Variants in DOCK3 observed in about 807,000 individuals in gnomAD.
DOCK3 encodes the protein dedicator of cytokinesis 3.
A neutral mutation model predicts 265.6 loss-of-function variants in DOCK3; 60 were observed. The observed-to-expected ratio is 0.23, with a 90% confidence interval of 0.18 to 0.28. The LOEUF is 0.28. Among genes scored for constraint, DOCK3 ranks in the 10% least tolerant of loss-of-function variants. DOCK3 has a pLI of 1.00. For missense variants in DOCK3, 1,981 were observed against 2,594.3 expected (o/e 0.76, Z 5.14); for synonymous variants, 881 against 938.0 (o/e 0.94, Z 1.11).
At chr3:51,087,018 G>A (rs1316696978) in intron 7 of DOCK3, among the ~76,000 whole-genome samples, 1 of 152,154 alleles carries the variant, frequency 6.6e-6, no homozygotes, top group Non-Finnish European at 1.5e-5. Context: ...AGAACTGTAT[G>A]GCTCTACTGC....
At chr3:50,909,641 G>GTTTTTTT (rs71633043) in intron 4 of DOCK3, among the ~76,000 whole-genome samples, 5 of 98,696 alleles carry the variant, frequency 5.1e-5, no homozygotes, top group Admixed American at 1.3e-4. Context: ...TACCCTTAAC[G>GTTTTTTT]TTTTTTTTTT....
intron 9 of DOCK3, among the ~76,000 whole-genome samples, chr3:51,141,192 CT>C (rs59473694): frequency 0.86 from 124,199 of 144,274 alleles, 53,551 homozygotes; most frequent in East Asian, 0.93. Flanking sequence ...TATTTTCTTT[CT>C]TTTTTTTTTT....
At chr3:51,161,808 A>G (rs910221180) in intron 12 of DOCK3, among the ~76,000 whole-genome samples, 1 of 152,022 alleles carries the variant, frequency 6.6e-6, no homozygotes, top group African/African-American at 2.4e-5. Context: ...AAGATAGCCC[A>G]TTTTTCTGAG....
At chr3:51,229,243 G>C (rs2090448448) in intron 18 of DOCK3, among the ~76,000 whole-genome samples, 1 of 152,216 alleles carries the variant, frequency 6.6e-6, no homozygotes, top group African/African-American at 2.4e-5. Context: ...TTGAGGTCAG[G>C]AGTTCAAGAC....
chr3:50,728,486 A>G (rs983967184), intron 1 of DOCK3, among the ~76,000 whole-genome samples: 1 of 152,150 alleles, frequency 6.6e-6, no homozygotes, highest in Non-Finnish European at 1.5e-5. Flanking sequence ...GAGAAAATAG[A>G]CAGATTAGAG....
intron 1 of DOCK3, among the ~76,000 whole-genome samples, chr3:50,736,671 A>C (rs900360289): frequency 3.5e-5 from 5 of 144,722 alleles, no homozygotes; most frequent in African/African-American, 1.3e-4. Flanking sequence ...GCATTTTTTC[A>C]TGTGTCTGTT....
intron 3 of DOCK3, among the ~76,000 whole-genome samples, chr3:50,862,443 G>A (rs922418195): frequency 6.6e-6 from 1 of 152,184 alleles, no homozygotes; most frequent in African/African-American, 2.4e-5. Context: ...CCCTTAGGTA[G>A]GCTGATGGTA....
intron 27 of DOCK3, among the ~76,000 whole-genome samples, chr3:51,288,283 T>C (rs1326054206): frequency 6.6e-6 from 1 of 150,668 alleles, no homozygotes; most frequent in African/African-American, 2.5e-5. Flanking sequence ...TCCCAGCTAC[T>C]CAGGAGGCTG....
chr3:50,705,385 G>A (rs2036339488), intron 1 of DOCK3, among the ~76,000 whole-genome samples: 2 of 151,978 alleles, frequency 1.3e-5, no homozygotes, highest in South Asian at 2.1e-4. Context: ...GATAGTGAGT[G>A]AATTCTTATG....
At chr3:50,979,949 C>A (rs1278133005) in intron 5 of DOCK3, among the ~76,000 whole-genome samples, 2 of 152,094 alleles carry the variant, frequency 1.3e-5, no homozygotes, top group Admixed American at 1.3e-4. Context: ...CCTTTTCTTT[C>A]TTTCTCTTGC....
intron 5 of DOCK3, among the ~76,000 whole-genome samples, chr3:51,013,310 T>C (rs1193823764): frequency 6.6e-6 from 1 of 152,228 alleles, no homozygotes; most frequent in Non-Finnish European, 1.5e-5. Context: ...TCTTTGATGA[T>C]GGTGACCTAC....
rs533566327 is a variant in DOCK3 at position 51,320,735 on chromosome 3, C to T, written c.3402+5607C>T. Among the ~76,000 whole-genome samples the T allele has an allele frequency of 2.6e-5, 4 of 152,270 alleles. No individual in the cohort carries two copies. In the East Asian group the frequency reaches 5.8e-4, roughly 22 times the overall value. On this transcript the variant is annotated intron_variant, in intron 32 of 52. Transcript: ENST00000266037. ...GAAGTTTGAACTGGGTGGAGCCCACCGCAGCTCAGCAAGGCTGCTGCGGCC... is the reference window on the plus strand; with the variant it reads ...GAAGTTTGAACTGGGTGGAGCCCACTGCAGCTCAGCAAGGCTGCTGCGGCC...
intron 1 of DOCK3, among the ~76,000 whole-genome samples, chr3:50,742,450 A>G (rs1299615184): frequency 6.6e-6 from 1 of 150,830 alleles, no homozygotes; most frequent in Admixed American, 6.6e-5. Context: ...AACTTTGAAA[A>G]AAATTTAGAC....
Position 51,381,709 on chromosome 3 carries a change from TGAACTC to T in DOCK3, c.*151_*156del. 9.1e-7 allele frequency: 1 copy of T among 1,095,622 alleles called. No homozygotes were observed. Among genetic ancestry groups the T allele is most frequent in the Non-Finnish European group, 1.3e-6 (1 of 796,994 alleles). 67.9% of individuals were successfully genotyped at this position (1,095,622 alleles called of 1,614,324 possible). Reference sequence around the variant, plus strand: ...CCCCCAAGTCTCCGTTCTACTGCCGTGAACTCATGTGTTGCCATGTACAGAGGCCAC... The same window carrying T: ...CCCCCAAGTCTCCGTTCTACTGCCGTATGTGTTGCCATGTACAGAGGCCAC... On this transcript the variant is annotated 3_prime_UTR_variant, in exon 53 of 53. Coordinates refer to ENST00000266037, the MANE Select transcript of DOCK3 (RefSeq NM_004947.5). This position sits in a 1 kb window ranked among gnomAD's most constrained non-coding sequence, Gnocchi z 5.6.
intron 1 of DOCK3, among the ~76,000 whole-genome samples, chr3:50,724,853 C>A (rs1450688591): frequency 2.0e-5 from 3 of 151,990 alleles, no homozygotes; most frequent in Non-Finnish European, 4.4e-5. Flanking sequence ...AATAGCTGGG[C>A]ATGGTGGCAC....
intron 27 of DOCK3, among the ~76,000 whole-genome samples, chr3:51,304,345 T>C (rs2082528730): frequency 6.6e-6 from 1 of 151,912 alleles, no homozygotes; most frequent in African/African-American, 2.4e-5. Context: ...GCCATAGTGA[T>C]GCCTGCTGCC....
intron 9 of DOCK3, among the ~76,000 whole-genome samples, chr3:51,092,811 G>A (rs980375394): frequency 5.3e-5 from 8 of 152,350 alleles, no homozygotes; most frequent in Middle Eastern, 3.4e-3. Flanking sequence ...GCTTCCAGAC[G>A]AAAGAACAGG....
At chr3:51,314,397 G>A (rs922606637) in intron 31 of DOCK3, among the ~76,000 whole-genome samples, 1 of 152,218 alleles carries the variant, frequency 6.6e-6, no homozygotes, top group Non-Finnish European at 1.5e-5. Context: ...CTCTAAGCCA[G>A]CCTTTTAGGG....
At chr3:50,770,782 G>A (rs1458064963) in intron 1 of DOCK3, among the ~76,000 whole-genome samples, 2 of 152,110 alleles carry the variant, frequency 1.3e-5, no homozygotes, top group Non-Finnish European at 2.9e-5. Flanking sequence ...ACCTTAACTG[G>A]CAGGTTAGGG....
Sources: allele counts gnomAD v4.1 joint callset (sites outside exome capture counted in the v4.1 genomes callset), GRCh38; gene constraint gnomAD v4.1.1; non-coding constraint Gnocchi (gnomAD v3.1); transcripts MANE v1.5; gene names NCBI Gene and HGNC (gene_info 2026-07-23, HGNC 2026-07-21).